ACBD3: variants seen among roughly 807,000 people sequenced by gnomAD.
ACBD3 encodes Golgi resident protein GCP60.
ACBD3 carries 30 observed loss-of-function variants against 66.9 expected under a neutral mutation model. That is an observed-to-expected ratio of 0.45 (90% CI 0.34 to 0.61). The LOEUF (loss-of-function observed/expected upper bound fraction) is 0.61. ACBD3 is among the 20% of genes least tolerant of loss of function. The probability of loss-of-function intolerance (pLI) is 0.02; values close to 1 mark genes in which losing one functional copy is unlikely to be tolerated. For synonymous variants in ACBD3, 278 were observed against 259.8 expected, an observed-to-expected ratio of 1.07 and a Z score of -0.68; for missense variants, 544 against 664.5, an observed-to-expected ratio of 0.82 and a Z score of 1.99.
At chr1:226,174,354 C>T (rs1655969989) in intron 1 of ACBD3, among the ~76,000 whole-genome samples, 1 of 152,108 alleles carries the variant, frequency 6.6e-6, no homozygotes, top group Non-Finnish European at 1.5e-5. Flanking sequence ...ACAAATTCTG[C>T]TTGGAAAAGA....
intron 1 of ACBD3, among the ~76,000 whole-genome samples, chr1:226,182,939 A>G (rs968813419): frequency 6.6e-6 from 1 of 152,220 alleles, no homozygotes; most frequent in African/African-American, 2.4e-5. Flanking sequence ...TTTAGATGGT[A>G]AAATGCTAAC....
chr1:226,156,314 CT>C (rs1443132312), intron 5 of ACBD3, among the ~76,000 whole-genome samples: 1 of 152,128 alleles, frequency 6.6e-6, no homozygotes, highest in Non-Finnish European at 1.5e-5. Flanking sequence ...CTCAACATTA[CT>C]TTTATAAGCT....
At chr1:226,152,725 A>G (rs1009026820) in intron 6 of ACBD3, 106 bp from the exon 7 acceptor site, 51 of 1,106,220 alleles carry the variant, frequency 4.6e-5, no homozygotes, top group Non-Finnish European at 6.3e-5. Flanking sequence ...CACCAAGTAC[A>G]ATATGGTCTA....
chr1:226,155,942 C>T (rs1206106820), intron 5 of ACBD3, among the ~76,000 whole-genome samples: 1 of 152,166 alleles, frequency 6.6e-6, no homozygotes, highest in African/African-American at 2.4e-5. Context: ...ATCCAAAGGA[C>T]TATTTTGGGA....
At chr1:226,178,999 G>T (rs1656115028) in intron 1 of ACBD3, among the ~76,000 whole-genome samples, 1 of 152,128 alleles carries the variant, frequency 6.6e-6, no homozygotes, top group Non-Finnish European at 1.5e-5. Context: ...TAGACCTCAA[G>T]AAAGTCACAA....
At chr1:226,165,129 A>C (rs58416350) in intron 2 of ACBD3, among the ~76,000 whole-genome samples, 200 bp from the exon 3 acceptor site, 21,207 of 152,066 alleles carry the variant, frequency 0.14, 1,653 homozygotes, top group Middle Eastern at 0.22. Context: ...AAACAACTGC[A>C]TTGCTGATGA....
At chr1:226,161,411 G>A (rs964310442) in intron 4 of ACBD3, 120 bp downstream of exon 4, 179 of 1,407,268 alleles carry the variant, frequency 1.3e-4, no homozygotes, top group Non-Finnish European at 1.6e-4. Flanking sequence ...GCCCGCCTCC[G>A]CCTCCCAAAG....
At chr1:226,154,552 T>A in intron 6 of ACBD3, 95 bp downstream of exon 6, 1 of 1,388,196 alleles carries the variant, frequency 7.2e-7, no homozygotes, top group African/African-American at 1.4e-5. Flanking sequence ...AATATGTAAT[T>A]GTTCTCAAAA....
intron 7 of ACBD3, among the ~76,000 whole-genome samples, chr1:226,149,786 T>C (rs1203952738): frequency 6.6e-6 from 1 of 151,316 alleles, no homozygotes; most frequent in Non-Finnish European, 1.5e-5. Flanking sequence ...TAGCAATCCA[T>C]CCGCTTTGGC....
chr1:226,185,679 T>G (rs1391228843), intron 1 of ACBD3, among the ~76,000 whole-genome samples: 1 of 151,864 alleles, frequency 6.6e-6, no homozygotes, highest in Non-Finnish European at 1.5e-5. Context: ...ATTTAACAAT[T>G]AATTATGCGA....
intron 1 of ACBD3, among the ~76,000 whole-genome samples, chr1:226,175,997 G>A (rs1355380800): frequency 6.6e-6 from 1 of 152,198 alleles, no homozygotes; most frequent in East Asian, 1.9e-4. Context: ...CAGAATTAAG[G>A]TTGCAGTTGG....
chr1:226,183,199 G>A (rs1656208079), intron 1 of ACBD3, among the ~76,000 whole-genome samples: 1 of 152,062 alleles, frequency 6.6e-6, no homozygotes, highest in African/African-American at 2.4e-5. Context: ...TTTTTGAGAT[G>A]GAGTCTTGCT....
At position 226,159,309 on chromosome 1, in the gene ACBD3, G is replaced by C. The variant is rs1659728506; in HGVS notation, c.778C>G (p.Gln260Glu). 1 of 1,614,044 alleles carries C rather than the reference G, an allele frequency of 6.2e-7. No homozygotes were observed. Among genetic ancestry groups the C allele is most frequent in the South Asian group, 1.1e-5 (1 of 91,090 alleles). The change falls in exon 5 of 8, where the codon CAG (glutamine) becomes GAG (glutamate). Residue 260 changes from glutamine to glutamate, a missense_variant. Transcript: ENST00000366812. ...CCTGGATACTGTTGGGCTGCATACT[G>C]CTGGAACTGCACGGCAGTCTGGGAG... ...LNSQTAVQFQQYAAQQYPGNY... is the reference protein window; with the variant it reads ...LNSQTAVQFQEYAAQQYPGNY...
At chr1:226,185,640 C>T (rs1169796917) in intron 1 of ACBD3, among the ~76,000 whole-genome samples, 1 of 151,128 alleles carries the variant, frequency 6.6e-6, no homozygotes, top group Non-Finnish European at 1.5e-5. Context: ...AAAAACCGCA[C>T]ACTACAATCT....
intron 3 of ACBD3, among the ~76,000 whole-genome samples, chr1:226,163,348 T>G (rs1386459026): frequency 1.3e-5 from 2 of 152,164 alleles, no homozygotes; most frequent in Non-Finnish European, 2.9e-5. Flanking sequence ...AAATAAGAAC[T>G]TAAAAAGCAA....
intron 5 of ACBD3, among the ~76,000 whole-genome samples, chr1:226,158,705 T>C (rs954542730): frequency 6.6e-6 from 1 of 152,232 alleles, no homozygotes; most frequent in Non-Finnish European, 1.5e-5. Flanking sequence ...GGAATAGCAA[T>C]GTGCTGTTAT....
intron 1 of ACBD3, among the ~76,000 whole-genome samples, chr1:226,173,616 C>A (rs188411067): frequency 3.9e-5 from 6 of 152,112 alleles, no homozygotes; most frequent in South Asian, 2.1e-4. Context: ...AAATCCTTCA[C>A]AATCTATATT....
intron 2 of ACBD3, among the ~76,000 whole-genome samples, chr1:226,165,576 A>G (rs1310812814): frequency 3.9e-5 from 6 of 152,208 alleles, no homozygotes; most frequent in African/African-American, 1.4e-4. Flanking sequence ...CAATTACTAT[A>G]TATTTTAAAT....
chr1:226,162,692 C>T (rs1338836940), intron 3 of ACBD3, among the ~76,000 whole-genome samples: 3 of 151,926 alleles, frequency 2.0e-5, no homozygotes, highest in Non-Finnish European at 2.9e-5. Flanking sequence ...AAACCTACCA[C>T]GAGAATTGTC....
Sources: gnomAD v4.1 joint callset for allele counts (sites outside exome capture counted in the v4.1 genomes callset) on GRCh38, gnomAD v4.1.1 for gene constraint, MANE v1.5 for transcripts, NCBI Gene and HGNC (gene_info 2026-07-23, HGNC 2026-07-21) for gene names.